Variants in DEPDC1B observed in about 807,000 individuals in gnomAD.
DEPDC1B encodes DEP domain-containing protein 1B.
A neutral mutation model predicts 66.5 loss-of-function variants in DEPDC1B; 51 were observed. That is an observed-to-expected ratio of 0.77 (90% CI 0.61 to 0.97). DEPDC1B has a LOEUF of 0.97. Ranked by LOEUF, DEPDC1B falls within the 50% of genes least tolerant of loss-of-function variation. The pLI, the probability that DEPDC1B is intolerant of heterozygous loss-of-function variation, is 0.00. For missense variants in DEPDC1B, 552 were observed against 637.1 expected (o/e 0.87, Z 1.44); for synonymous variants, 226 against 223.6 (o/e 1.01, Z -0.10).
chr5:60,624,151 G>T (rs928117402), intron 7 of DEPDC1B, among the ~76,000 whole-genome samples: 1 of 152,058 alleles, frequency 6.6e-6, no homozygotes, highest in African/African-American at 2.4e-5. Context: ...CCCTTGATAA[G>T]GCTGAGGAAG....
chr5:60,626,043 AT>A (rs573115230), intron 7 of DEPDC1B, among the ~76,000 whole-genome samples: 2 of 151,254 alleles, frequency 1.3e-5, no homozygotes, highest in African/African-American at 4.9e-5. Flanking sequence ...GATTCTAGTG[AT>A]TTTTTTTGTA....
chr5:60,609,951 A>C (rs773761250), intron 7 of DEPDC1B, among the ~76,000 whole-genome samples: 16 of 152,100 alleles, frequency 1.1e-4, no homozygotes, highest in Non-Finnish European at 1.8e-4. Flanking sequence ...CATTACTACC[A>C]CTTAATATAC....
intron 2 of DEPDC1B, among the ~76,000 whole-genome samples, chr5:60,679,569 A>C (rs1239657952): frequency 2.0e-5 from 3 of 152,200 alleles, no homozygotes; most frequent in Non-Finnish European, 2.9e-5. Flanking sequence ...GGAAAGAAAA[A>C]AAGGAATGAG....
chr5:60,651,918 G>T (rs543546429), intron 2 of DEPDC1B, among the ~76,000 whole-genome samples: 1 of 152,312 alleles, frequency 6.6e-6, no homozygotes, highest in Admixed American at 6.5e-5. Flanking sequence ...AACCAGGTGT[G>T]GATTGTGCCA....
intron 7 of DEPDC1B, among the ~76,000 whole-genome samples, chr5:60,618,601 C>A (rs1316676838): frequency 6.6e-6 from 1 of 152,184 alleles, no homozygotes; most frequent in African/African-American, 2.4e-5. Context: ...GAAGTTGAAT[C>A]TCTGAATAGA....
intron 7 of DEPDC1B, among the ~76,000 whole-genome samples, chr5:60,616,189 G>T (rs1752550198): frequency 1.3e-5 from 2 of 152,096 alleles, no homozygotes; most frequent in African/African-American, 4.8e-5. Flanking sequence ...ACAAAGATGG[G>T]GGAAAAACAG....
chr5:60,647,664 A>G, intron 2 of DEPDC1B, 131 bp from the exon 3 acceptor site: 1 of 1,038,796 alleles, frequency 9.6e-7, no homozygotes. Context: ...ATAATTACAT[A>G]AATTTTAATT....
At chr5:60,664,664 G>A (rs1446381371) in intron 2 of DEPDC1B, among the ~76,000 whole-genome samples, 1 of 152,136 alleles carries the variant, frequency 6.6e-6, no homozygotes, top group East Asian at 1.9e-4. Flanking sequence ...TGTAGAAAAA[G>A]GACTTCAAAA....
intron 2 of DEPDC1B, among the ~76,000 whole-genome samples, chr5:60,650,099 C>T (rs1753410053): frequency 6.6e-6 from 1 of 151,812 alleles, no homozygotes; most frequent in Non-Finnish European, 1.5e-5. Flanking sequence ...ACTTGTAGTC[C>T]CAGCTACTCG....
chr5:60,612,336 T>C (rs1032520771), intron 7 of DEPDC1B, among the ~76,000 whole-genome samples: 1 of 151,520 alleles, frequency 6.6e-6, no homozygotes, highest in African/African-American at 2.4e-5. Context: ...GGCAGGAGAA[T>C]TGCTTGAGCC....
At chr5:60,610,624 T>C (rs1404409705) in intron 7 of DEPDC1B, among the ~76,000 whole-genome samples, 1 of 152,224 alleles carries the variant, frequency 6.6e-6, no homozygotes, top group Non-Finnish European at 1.5e-5. Flanking sequence ...TAAACATTTG[T>C]AGAACCACAT....
At chr5:60,695,876 G>A (rs746631077) in intron 1 of DEPDC1B, among the ~76,000 whole-genome samples, 18 of 152,176 alleles carry the variant, frequency 1.2e-4, no homozygotes, top group Non-Finnish European at 1.8e-4. Flanking sequence ...TCGGCTGACT[G>A]CAACCTCCGA....
chr5:60,605,560 G>T, intron 8 of DEPDC1B, 130 bp downstream of exon 8: 1 of 942,320 alleles, frequency 1.1e-6, no homozygotes, highest in Non-Finnish European at 1.5e-6. Context: ...ACACAAGTCT[G>T]GGTGGACACT....
intron 7 of DEPDC1B, among the ~76,000 whole-genome samples, chr5:60,632,840 T>C (rs1216502704): frequency 1.2e-4 from 19 of 152,158 alleles, no homozygotes; most frequent in Admixed American, 2.6e-4. Context: ...TGTGGTGGTG[T>C]TGGGGACAGG....
At chr5:60,693,711 C>T (rs1191412212) in intron 1 of DEPDC1B, among the ~76,000 whole-genome samples, 1 of 152,082 alleles carries the variant, frequency 6.6e-6, no homozygotes, top group Non-Finnish European at 1.5e-5. Flanking sequence ...TTTCACTATA[C>T]CAAGTACCTA....
chr5:60,600,372 T>G (rs949855767), intron 9 of DEPDC1B, among the ~76,000 whole-genome samples: 38 of 152,146 alleles, frequency 2.5e-4, no homozygotes, highest in African/African-American at 8.7e-4. Context: ...AAATAGAAGG[T>G]TGCAGATGAG....
intron 7 of DEPDC1B, among the ~76,000 whole-genome samples, chr5:60,629,357 A>C (rs1477079578): frequency 1.3e-5 from 2 of 152,214 alleles, no homozygotes; most frequent in African/African-American, 4.8e-5. Context: ...TAAAATGTAT[A>C]TTCAGTGGTG....
rs879302631 is a variant in DEPDC1B at position 60,617,827 on chromosome 5, G to C, written c.899-11971C>G. 4.6e-5 allele frequency among the ~76,000 whole-genome samples: 7 copies of C among 152,144 alleles called. No individual in the cohort carries two copies. The South Asian group carries it at 6.2e-4, about 13-fold the overall frequency. ...CAGAACTCTCCACCCCAAAGCAACA[G>C]AATATACATTCTTCTCAGCACCACA... On this transcript the variant is annotated intron_variant, in intron 7 of 10. Coordinates refer to ENST00000265036, the MANE Select transcript of DEPDC1B (RefSeq NM_018369.3).
At chr5:60,669,571 A>T (rs978110988) in intron 2 of DEPDC1B, among the ~76,000 whole-genome samples, 1 of 152,220 alleles carries the variant, frequency 6.6e-6, no homozygotes, top group African/African-American at 2.4e-5. Flanking sequence ...TCTTGAGCCC[A>T]TTAGTGGTAT....
Sources: gnomAD v4.1 joint callset for allele counts (sites outside exome capture counted in the v4.1 genomes callset) on GRCh38, gnomAD v4.1.1 for gene constraint, MANE v1.5 for transcripts, NCBI Gene and HGNC (gene_info 2026-07-23, HGNC 2026-07-21) for gene names.